Variants in SEM1 observed in about 807,000 individuals in gnomAD.
The protein encoded by SEM1 is SEM1 26S proteasome subunit.
Under a neutral mutation model 12.7 loss-of-function variants are expected in SEM1, and 3 were observed. The observed-to-expected ratio is 0.24, with a 90% CI of 0.11 to 0.61. SEM1 has a LOEUF of 0.61. Among genes scored for constraint, SEM1 ranks in the 20% least tolerant of loss-of-function variants. SEM1 has a pLI of 0.88. For missense variants in SEM1, 59 were observed against 81.3 expected (o/e 0.73, Z 1.06); for synonymous variants, 30 against 27.8 (o/e 1.08, Z -0.25).
At chr7:96,577,052 G>A (rs1806228663) in intron 2 of SEM1, among the ~76,000 whole-genome samples, 1 of 151,870 alleles carries the variant, frequency 6.6e-6, no homozygotes. Flanking sequence ...AGGAGTCAGA[G>A]GTTGCAGTGA....
chr7:96,606,581 A>G (rs1206443234), intron 2 of SEM1, among the ~76,000 whole-genome samples: 6 of 152,230 alleles, frequency 3.9e-5, no homozygotes, highest in African/African-American at 1.4e-4. Flanking sequence ...TGGCACAACT[A>G]TTAGAAAAAA....
At chr7:96,502,951 G>C (rs1252758228) in intron 3 of SEM1, among the ~76,000 whole-genome samples, 36 of 152,088 alleles carry the variant, frequency 2.4e-4, no homozygotes, top group Admixed American at 2.4e-3. Flanking sequence ...TTTCTCTAGG[G>C]GTCTCTCCCT....
intron 2 of SEM1, among the ~76,000 whole-genome samples, chr7:96,602,638 C>T (rs1807229615): frequency 6.6e-6 from 1 of 152,138 alleles, no homozygotes; most frequent in South Asian, 2.1e-4. Flanking sequence ...TAGTTTTTCC[C>T]CTAATTGTAT....
intron 1 of SEM1, among the ~76,000 whole-genome samples, chr7:96,707,477 C>T (rs1017527729): frequency 1.3e-5 from 2 of 152,168 alleles, no homozygotes; most frequent in Non-Finnish European, 2.9e-5. Flanking sequence ...AAAAATGTTT[C>T]TCACTCTAAA....
intron 2 of SEM1, among the ~76,000 whole-genome samples, chr7:96,571,961 A>T (rs62471406): frequency 0.33 from 50,243 of 151,864 alleles, 10,402 homozygotes; most frequent in East Asian, 0.67. Context: ...TCAATTTCAG[A>T]ACTTGTTATT....
Position 96,627,873 on chromosome 7 carries a change from T to C in SEM1, c.171-5230A>G, listed in dbSNP as rs1003915416. On this transcript the variant is annotated intron_variant, in intron 2 of 2. Transcript: ENST00000417009. ...CAATGCTGAAAATGGAGTGTTGAAG[T>C]CTCTTAACTATGATTGTATTGGAGC... 5.9e-5 allele frequency among the ~76,000 whole-genome samples: 9 copies of C among 152,210 alleles called. No homozygotes were observed. In the South Asian group the frequency reaches 1.9e-3, roughly 32 times the overall value.
intron 2 of SEM1, among the ~76,000 whole-genome samples, chr7:96,643,089 C>G (rs1808665661): frequency 6.6e-6 from 1 of 151,978 alleles, no homozygotes; most frequent in African/African-American, 2.4e-5. Context: ...TTTCCTGATA[C>G]TCTCTCTCCT....
chr7:96,493,582 A>G (rs1803114901), intron 1 of SEM1, among the ~76,000 whole-genome samples: 1 of 152,130 alleles, frequency 6.6e-6, no homozygotes. Flanking sequence ...ATACAGCTGC[A>G]TGCTTCCAGA....
At chr7:96,635,792 T>C (rs1349232863) in intron 2 of SEM1, among the ~76,000 whole-genome samples, 1 of 151,906 alleles carries the variant, frequency 6.6e-6, no homozygotes, top group African/African-American at 2.4e-5. Flanking sequence ...AATATTGTAA[T>C]AGAAAAAAAA....
chr7:96,675,117 G>C (rs1342234103), intron 2 of SEM1, among the ~76,000 whole-genome samples: 1 of 149,118 alleles, frequency 6.7e-6, no homozygotes, highest in Non-Finnish European at 1.5e-5. Flanking sequence ...TAAATAAAAA[G>C]CAAAAAAGGA....
In SEM1 at chr7:96,537,572, C is replaced by T. The variant is rs904064787; in HGVS notation, c.171-30874G>A. Among the ~76,000 whole-genome samples, 6 of 151,676 alleles carry T rather than the reference C, an allele frequency of 4.0e-5. No individual in the cohort carries two copies. In the East Asian group the frequency reaches 1.2e-3, roughly 29 times the overall value. ...TCAGTACTTTAAATATTTACTTCCACTCTGTTTTTACTTGCATGGTTTTCA... is the reference window on the plus strand; with the variant it reads ...TCAGTACTTTAAATATTTACTTCCATTCTGTTTTTACTTGCATGGTTTTCA... On this transcript the variant is annotated intron_variant and NMD_transcript_variant, in intron 2 of 3. Coordinates refer to the SEM1 transcript ENST00000466986.
chr7:96,653,433 T>A (rs1408315764), intron 2 of SEM1, among the ~76,000 whole-genome samples: 1 of 152,096 alleles, frequency 6.6e-6, no homozygotes, highest in African/African-American at 2.4e-5. Context: ...CATAAACAAA[T>A]AAACATTATT....
intron 2 of SEM1, among the ~76,000 whole-genome samples, chr7:96,573,870 C>G (rs932940318): frequency 1.3e-5 from 2 of 151,940 alleles, no homozygotes; most frequent in African/African-American, 4.8e-5. Context: ...GTTCCATTCT[C>G]CCCGTCACTT....
intron 2 of SEM1, among the ~76,000 whole-genome samples, chr7:96,551,287 G>A (rs1307591350): frequency 2.6e-5 from 4 of 152,110 alleles, no homozygotes; most frequent in South Asian, 2.1e-4. Flanking sequence ...ATGTTCACCC[G>A]AGACCTTGAA....
At chr7:96,519,122 T>TA (rs2115613994) in intron 2 of SEM1, among the ~76,000 whole-genome samples, 1 of 152,236 alleles carries the variant, frequency 6.6e-6, no homozygotes, top group South Asian at 2.1e-4. Flanking sequence ...CCTAGATTTT[T>TA]ATGCACTGGA....
At chr7:96,558,755 C>A (rs539067742) in intron 2 of SEM1, among the ~76,000 whole-genome samples, 40 of 152,266 alleles carry the variant, frequency 2.6e-4, no homozygotes, top group Admixed American at 9.1e-4. Flanking sequence ...CAGACTCAGA[C>A]CATGATCTGC....
chr7:96,559,054 G>A (rs893325519), intron 2 of SEM1, among the ~76,000 whole-genome samples: 2 of 152,158 alleles, frequency 1.3e-5, no homozygotes, highest in Non-Finnish European at 2.9e-5. Flanking sequence ...CACAGAGCTA[G>A]CTACTATGCT....
chr7:96,563,955 T>C (rs1360872620), intron 2 of SEM1, among the ~76,000 whole-genome samples: 1 of 152,112 alleles, frequency 6.6e-6, no homozygotes, highest in Non-Finnish European at 1.5e-5. Context: ...GTTATGCTCT[T>C]TCACAAGTTC....
rs571298480 is a variant in SEM1, at chr7:96,610,070, A to T, written c.170+84728T>A. ...GAAAAAAGCATGTTAGTCTCTCCCC[A>T]CTGAGGGAAACCATAAGTTATAAAT... On this transcript the variant is annotated intron_variant and NMD_transcript_variant, in intron 2 of 3. Transcript: ENST00000466986. 5.3e-5 allele frequency among the ~76,000 whole-genome samples: 8 copies of T among 151,774 alleles called. No individual in the cohort carries two copies. In the South Asian group the frequency reaches 1.7e-3, roughly 32 times the overall value.
Sources: allele counts gnomAD v4.1 joint callset (sites outside exome capture counted in the v4.1 genomes callset), GRCh38; gene constraint gnomAD v4.1.1; transcripts MANE v1.5; gene names NCBI Gene and HGNC (gene_info 2026-07-23, HGNC 2026-07-21).